The following PACS1 variants were observed in gnomAD, a reference collection of about 807,000 sequenced individuals.
The protein encoded by PACS1 is phosphofurin acidic cluster sorting protein 1, also known as PACS-1.
PACS1 carries 24 observed loss-of-function variants against 115.0 expected under a neutral mutation model. The ratio of observed to expected loss-of-function variants is 0.21; its 90% CI spans 0.15 to 0.29. PACS1 has a LOEUF of 0.29. Ranked by LOEUF, PACS1 falls within the 10% of genes least tolerant of loss-of-function variation. The pLI is 1.00. For missense variants in PACS1, 838 were observed against 1,251.2 expected, an observed-to-expected ratio of 0.67 and a Z score of 4.98; for synonymous variants, 453 against 504.5, an observed-to-expected ratio of 0.90 and a Z score of 1.37.
At chr11:66,174,544 GATAA>G (rs1486967551) in intron 1 of PACS1, among the ~76,000 whole-genome samples, 3 of 152,096 alleles carry the variant, frequency 2.0e-5, no homozygotes, top group Non-Finnish European at 4.4e-5. Flanking sequence ...CTTGTAAATG[GATAA>G]ATAAATATTA....
intron 1 of PACS1, among the ~76,000 whole-genome samples, chr11:66,133,189 T>C (rs1156512665): frequency 6.6e-6 from 1 of 152,240 alleles, no homozygotes; most frequent in Non-Finnish European, 1.5e-5. Context: ...CTCCTGCTGC[T>C]ACTCTAACCC....
rs1249419454 is a variant in PACS1, at chr11:66,147,037, G to T, written c.357-46449G>T. On this transcript the variant is annotated intron_variant, in intron 1 of 23. Transcript: ENST00000320580. ...ATGCCTGCCACTGCACTCCAGCTTG[G>T]GCGACCAAGTAAGACACTGTCTAAA... Among the ~76,000 whole-genome samples, 4 of 152,168 alleles carry T rather than the reference G, an allele frequency of 2.6e-5. No homozygotes were observed. In the East Asian group the frequency reaches 7.7e-4, roughly 29 times the overall value.
rs781162993 is a variant in PACS1, at chr11:66,219,740, C to T, written c.979-6C>T. On this transcript the variant is annotated splice_region_variant and splice_polypyrimidine_tract_variant and intron_variant, in intron 7 of 23. Coordinates refer to ENST00000320580, the MANE Select transcript of PACS1 (RefSeq NM_018026.4). ...CTGAGAACTGTCATGCGATTTGTCC[C>T]TACAGCAACCTAACATCAAACAGAA... The T allele has an allele frequency of 6.2e-7, 1 of 1,612,878 alleles. No individual in the cohort carries two copies. The highest frequency in any genetic ancestry group is 1.1e-5 in the South Asian group (1 of 91,054).
intron 19 of PACS1, among the ~76,000 whole-genome samples, chr11:66,237,292 A>T (rs1855724182): frequency 6.8e-6 from 1 of 147,494 alleles, no homozygotes; most frequent in Non-Finnish European, 1.5e-5. Context: ...AAACTCTTGG[A>T]CTCAGGAGAT....
At chr11:66,181,723 C>G (rs528099587) in intron 1 of PACS1, among the ~76,000 whole-genome samples, 19 of 152,126 alleles carry the variant, frequency 1.2e-4, no homozygotes, top group African/African-American at 4.3e-4. Context: ...TGGCTGGAAC[C>G]TGGATGGTTT....
At chr11:66,213,281 T>G (rs1855120289) in intron 4 of PACS1, among the ~76,000 whole-genome samples, 1 of 152,262 alleles carries the variant, frequency 6.6e-6, no homozygotes. Context: ...TTTATTTTGA[T>G]GCACAAACTT....
rs750335191 is a variant in PACS1 at position 66,230,534 on chromosome 11, C to G, written c.1375-14C>G. On this transcript the variant is annotated splice_polypyrimidine_tract_variant and intron_variant, in intron 11 of 23. Transcript: ENST00000320580. ...TGGGAGGTCATCTTCACTGTTTCCTCTCCTCCATGGTAGGAAATCACTGAC... is the reference window on the plus strand; with the variant it reads ...TGGGAGGTCATCTTCACTGTTTCCTGTCCTCCATGGTAGGAAATCACTGAC... 2.5e-6 allele frequency: 4 copies of G among 1,594,488 alleles called. No individual in the cohort carries two copies. Among genetic ancestry groups the G allele is most frequent in the Non-Finnish European group, 3.4e-6 (4 of 1,162,136 alleles).
At chr11:66,192,656 G>A (rs530822335) in intron 1 of PACS1, among the ~76,000 whole-genome samples, 3 of 152,324 alleles carry the variant, frequency 2.0e-5, no homozygotes, top group Admixed American at 6.5e-5. Context: ...CATGTGTACC[G>A]TTCCCCAGAA....
Position 66,239,126 on chromosome 11 carries a change from G to A in PACS1, c.2294-16G>A, listed in dbSNP as rs752930038. Reference sequence around the variant, plus strand: ...CTTCCTCTGGCCAACTGTGTTTGTCGTTTGTCCCCTGACAGGCGATGGGGA... The same window carrying A: ...CTTCCTCTGGCCAACTGTGTTTGTCATTTGTCCCCTGACAGGCGATGGGGA... On this transcript the variant is annotated splice_polypyrimidine_tract_variant and intron_variant, in intron 20 of 23. Coordinates refer to ENST00000320580, the MANE Select transcript of PACS1 (RefSeq NM_018026.4). 4.9e-5 allele frequency: 79 copies of A among 1,613,956 alleles called. No individual in the cohort carries two copies. Among genetic ancestry groups the A allele is most frequent in the African/African-American group, 9.3e-5 (7 of 74,930 alleles).
At chr11:66,241,371 A>G in intron 21 of PACS1, 56 bp from the exon 22 acceptor site, 2 of 1,359,844 alleles carry the variant, frequency 1.5e-6, no homozygotes, top group South Asian at 1.3e-5. Context: ...CATCAGGCCT[A>G]TGTAGTTGGG....
chr11:66,193,203 G>A (rs190228547), intron 1 of PACS1, among the ~76,000 whole-genome samples: 18 of 152,326 alleles, frequency 1.2e-4, no homozygotes, highest in Non-Finnish European at 1.8e-4. Flanking sequence ...TAGAAGCTGG[G>A]CATGGTGGCA....
At chr11:66,084,612 C>T (rs1316578394) in intron 1 of PACS1, among the ~76,000 whole-genome samples, 2 of 151,962 alleles carry the variant, frequency 1.3e-5, no homozygotes, top group Non-Finnish European at 2.9e-5. Context: ...TGGTGGGAGT[C>T]TGGGCATATT....
intron 10 of PACS1, chr11:66,221,608 T>G (rs1339962098): frequency 1.2e-5 from 2 of 169,382 alleles, no homozygotes. Flanking sequence ...ATTGAGCCAC[T>G]GCACTCCAGC....
intron 1 of PACS1, among the ~76,000 whole-genome samples, chr11:66,073,896 G>C (rs1590725503): frequency 6.7e-6 from 1 of 148,416 alleles, no homozygotes; most frequent in African/African-American, 2.5e-5. Flanking sequence ...GGGACTATAG[G>C]CATGTGACAT....
intron 1 of PACS1, among the ~76,000 whole-genome samples, chr11:66,075,894 C>A (rs1205099625): frequency 6.6e-6 from 1 of 152,030 alleles, no homozygotes; most frequent in Non-Finnish European, 1.5e-5. Context: ...CCCGCCACCA[C>A]GCCCAGCTAA....
In PACS1 at chr11:66,070,428, G is replaced by A. The variant is rs1242584059; in HGVS notation, c.-59G>A. On this transcript the variant is annotated 5_prime_UTR_variant, in exon 1 of 24. Coordinates refer to ENST00000320580, the MANE Select transcript of PACS1 (RefSeq NM_018026.4). This position sits in a 1 kb window ranked among gnomAD's most constrained non-coding sequence, Gnocchi z 5.9. ...CGCCCCCGCCGCCGCCGCCGCGGGG[G>A]AAGCCTGGGAGCCAGATCGGCGTCG... 7.5e-6 allele frequency: 8 copies of A among 1,069,062 alleles called. No individual in the cohort carries two copies. Among genetic ancestry groups the A allele is most frequent in the Non-Finnish European group, 9.4e-6 (8 of 847,400 alleles). 66.2% of individuals were successfully genotyped at this position (1,069,062 alleles called of 1,614,324 possible). A position where few individuals can be genotyped will look rare whatever the true frequency, so the allele number is the denominator to read the frequency against.
chr11:66,236,759 T>A lies in PACS1; in HGVS notation c.2250+819T>A, dbSNP rs1031275727. ...CCTTCGAAACCAGCTTCTATCTTTT[T>A]TTATTATTTTTTTTTTTTATGAGAT... On this transcript the variant is annotated intron_variant, in intron 19 of 23. Coordinates refer to ENST00000320580, the MANE Select transcript of PACS1 (RefSeq NM_018026.4). The surrounding 1 kb of genome is among the most constrained non-coding windows in gnomAD (Gnocchi z 4.2). Among the ~76,000 whole-genome samples the A allele has an allele frequency of 6.8e-5, 10 of 147,978 alleles. No individual in the cohort carries two copies. The highest frequency in any genetic ancestry group is 2.1e-4 in the South Asian group (1 of 4,668).
intron 1 of PACS1, among the ~76,000 whole-genome samples, chr11:66,138,582 C>T (rs1858901057): frequency 6.6e-6 from 1 of 152,152 alleles, no homozygotes; most frequent in Non-Finnish European, 1.5e-5. Flanking sequence ...TTGCTTGCCT[C>T]ACCCTAATCC....
chr11:66,186,537 T>C (rs1025200084), intron 1 of PACS1, among the ~76,000 whole-genome samples: 8 of 152,232 alleles, frequency 5.3e-5, no homozygotes, highest in Admixed American at 1.3e-4. Flanking sequence ...TCTGACCTAC[T>C]ACATAATTTA....
Sources: allele counts gnomAD v4.1 joint callset (sites outside exome capture counted in the v4.1 genomes callset), GRCh38; gene constraint gnomAD v4.1.1; non-coding constraint Gnocchi (gnomAD v3.1); transcripts MANE v1.5; gene names NCBI Gene and HGNC (gene_info 2026-07-23, HGNC 2026-07-21).